Variants in PDE1A observed in about 807,000 individuals in gnomAD.
The protein encoded by PDE1A is phosphodiesterase 1A.
Under a neutral mutation model 61.7 loss-of-function variants are expected in PDE1A, and 35 were observed. That is an observed-to-expected ratio of 0.57 (90% confidence interval 0.43 to 0.75). The LOEUF is 0.75. Among genes scored for constraint, PDE1A ranks in the 30% least tolerant of loss-of-function variants. The pLI is 0.00. For missense variants in PDE1A, 597 were observed against 630.6 expected (o/e 0.95, Z 0.57); for synonymous variants, 232 against 213.2 (o/e 1.09, Z -0.77).
chr2:182,704,297 T>C, the PDE1A span, among the ~76,000 whole-genome samples: 1 of 151,834 alleles, frequency 6.6e-6, no homozygotes, highest in Non-Finnish European at 1.5e-5. Flanking sequence ...ACCTCTCCAG[T>C]AGTTTTGCCT....
the PDE1A span, among the ~76,000 whole-genome samples, chr2:182,647,165 C>T: frequency 2.0e-5 from 3 of 152,256 alleles, no homozygotes; most frequent in Middle Eastern, 6.8e-3. Context: ...CACAACAAAA[C>T]CTCCAAAATG....
chr2:182,305,315 G>A (rs532766922), intron 1 of PDE1A, among the ~76,000 whole-genome samples: 1 of 151,678 alleles, frequency 6.6e-6, no homozygotes, highest in Admixed American at 6.6e-5. Context: ...TCTACATCAT[G>A]AATAAGCCAT....
exon 15 of PDE1A, chr2:182,140,701 T>C (rs936821294): frequency 6.6e-6 from 1 of 152,174 alleles, no homozygotes; most frequent in African/African-American, 2.4e-5. Context: ...GCCTAACCTA[T>C]CAATCCCTCT....
chr2:182,214,244 T>G (rs1687949305), intron 7 of PDE1A, among the ~76,000 whole-genome samples: 1 of 151,516 alleles, frequency 6.6e-6, no homozygotes, highest in African/African-American at 2.4e-5. Flanking sequence ...AGGCCTGCCC[T>G]AAAAGAGCTC....
chr2:182,673,989 CATATATATATAT>C, the PDE1A span, among the ~76,000 whole-genome samples: 84 of 135,270 alleles, frequency 6.2e-4, no homozygotes, highest in Middle Eastern at 3.6e-3. Context: ...AATATAACTT[CATATATATATAT>C]ATATATATAT....
At chr2:182,168,090 T>A (rs1356437315) in exon 14 of PDE1A, 3 of 1,349,572 alleles carry the variant, frequency 2.2e-6, no homozygotes. Context: ...TTACAGCTGT[T>A]ATTTATGTGG....
At chr2:182,432,741 A>T (rs915720539) in intron 2 of PDE1A, among the ~76,000 whole-genome samples, 1 of 152,062 alleles carries the variant, frequency 6.6e-6, no homozygotes, top group Admixed American at 6.6e-5. Context: ...TGAGTTTATA[A>T]GGAAGAGGGT....
the PDE1A span, among the ~76,000 whole-genome samples, chr2:182,690,642 C>T: frequency 6.6e-6 from 1 of 152,170 alleles, no homozygotes; most frequent in East Asian, 1.9e-4. Flanking sequence ...CCCTCTCTCA[C>T]CACTCCTATT....
At chr2:182,386,005 G>T (rs956334489) in intron 1 of PDE1A, among the ~76,000 whole-genome samples, 56 of 152,174 alleles carry the variant, frequency 3.7e-4, no homozygotes, top group Non-Finnish European at 6.3e-4. Context: ...GATTGCGGGC[G>T]TGTGCCGCCA....
At chr2:182,258,481 T>G (rs1691991779) in intron 2 of PDE1A, among the ~76,000 whole-genome samples, 1 of 152,168 alleles carries the variant, frequency 6.6e-6, no homozygotes, top group African/African-American at 2.4e-5. Context: ...GAGAACATAT[T>G]CAAACAGTAA....
intron 13 of PDE1A, among the ~76,000 whole-genome samples, chr2:182,152,577 G>T (rs1040893882): frequency 5.3e-5 from 8 of 151,478 alleles, no homozygotes; most frequent in Non-Finnish European, 1.0e-4. Context: ...CCTGCCACCA[G>T]GCCCAGCTAA....
rs745773512 is a variant in PDE1A at position 182,149,191 on chromosome 2, T to G, written c.1517-2039A>C. On this transcript the variant is annotated intron_variant, in intron 13 of 13. Coordinates refer to the PDE1A transcript ENST00000409365. ...CAAGAAAGAAATAGAAGTAATTAAC[T>G]AATTCACTGGTTCTCAAAATTTTTT... is the stretch of plus-strand genomic sequence containing the variant. Among the ~76,000 whole-genome samples the G allele has an allele frequency of 1.3e-5, 2 of 152,190 alleles. 1 individual carries two copies. Among genetic ancestry groups the G allele is most frequent in the Non-Finnish European group, 2.9e-5 (2 of 68,030 alleles).
At chr2:182,198,444 A>G (rs1403328540) in intron 10 of PDE1A, among the ~76,000 whole-genome samples, 3 of 151,934 alleles carry the variant, frequency 2.0e-5, no homozygotes, top group Admixed American at 1.3e-4. Context: ...TAGAATAAAA[A>G]TGTTCAGTAT....
intron 2 of PDE1A, among the ~76,000 whole-genome samples, chr2:182,441,215 G>C (rs1190685542): frequency 6.6e-6 from 1 of 152,026 alleles, no homozygotes; most frequent in African/African-American, 2.4e-5. Flanking sequence ...CCACCCCCAT[G>C]ATTCAATTAT....
At chr2:182,494,435 GC>G (rs1688586509) in intron 2 of PDE1A, among the ~76,000 whole-genome samples, 1 of 130,858 alleles carries the variant, frequency 7.6e-6, no homozygotes, top group Non-Finnish European at 1.7e-5. Flanking sequence ...CCATCCCTTA[GC>G]CCAGATAATA....
chr2:182,155,971 T>G (rs1194984463), intron 13 of PDE1A, among the ~76,000 whole-genome samples: 1 of 152,210 alleles, frequency 6.6e-6, no homozygotes, highest in African/African-American at 2.4e-5. Flanking sequence ...TCTCCCATGC[T>G]GTTCTCATGG....
chr2:182,302,472 C>T (rs1023160975), intron 1 of PDE1A, among the ~76,000 whole-genome samples: 2 of 152,192 alleles, frequency 1.3e-5, no homozygotes, highest in South Asian at 4.1e-4. Flanking sequence ...ATGTATATAA[C>T]TTAATTTAAA....
At chr2:182,226,127 G>A (rs1163254124) in intron 6 of PDE1A, among the ~76,000 whole-genome samples, 2 of 149,360 alleles carry the variant, frequency 1.3e-5, no homozygotes, top group African/African-American at 2.6e-5. Flanking sequence ...TTTTGAGTGG[G>A]TTCAAATTAT....
the PDE1A span, among the ~76,000 whole-genome samples, chr2:182,626,686 GAA>G: frequency 5.0e-4 from 33 of 66,648 alleles, 7 homozygotes; most frequent in African/African-American, 1.5e-3. Flanking sequence ...TTGCCTTCGA[GAA>G]AAAAAAAAAG....
Sources: gnomAD v4.1 joint callset for allele counts (sites outside exome capture counted in the v4.1 genomes callset) on GRCh38, gnomAD v4.1.1 for gene constraint, MANE v1.5 for transcripts, NCBI Gene and HGNC (gene_info 2026-07-23, HGNC 2026-07-21) for gene names.